GRIN2A: variants seen among roughly 807,000 people sequenced by gnomAD.
GRIN2A encodes glutamate receptor ionotropic, NMDA 2A.
A neutral mutation model predicts 113.4 loss-of-function variants in GRIN2A; 22 were observed. The ratio of observed to expected loss-of-function variants is 0.19; its 90% CI spans 0.14 to 0.28. The LOEUF (loss-of-function observed/expected upper bound fraction) is 0.28. GRIN2A is among the 10% of genes least tolerant of loss of function. The pLI is 1.00. For missense variants in GRIN2A, 1,502 were observed against 1,887.0 expected (o/e 0.80, Z 3.78); for synonymous variants, 827 against 738.4 (o/e 1.12, Z -1.94).
chr16:9,998,271 C>A (rs1276750873), intron 2 of GRIN2A, among the ~76,000 whole-genome samples: 1 of 152,056 alleles, frequency 6.6e-6, no homozygotes, highest in Non-Finnish European at 1.5e-5. Flanking sequence ...ACCTCGAAAA[C>A]GTCATGATAA....
intron 2 of GRIN2A, among the ~76,000 whole-genome samples, chr16:9,944,345 G>T (rs948786773): frequency 6.6e-6 from 1 of 152,100 alleles, no homozygotes; most frequent in Non-Finnish European, 1.5e-5. Context: ...TGAGGATTCA[G>T]ATGGATAGCA....
intron 3 of GRIN2A, among the ~76,000 whole-genome samples, chr16:9,896,757 T>C (rs369881749): frequency 5.9e-5 from 9 of 152,176 alleles, no homozygotes; most frequent in African/African-American, 1.9e-4. Context: ...CAAGTACCTA[T>C]TACCTTCAAT....
At chr16:9,816,898 G>C (rs569961522) in intron 10 of GRIN2A, among the ~76,000 whole-genome samples, 15 of 152,258 alleles carry the variant, frequency 9.9e-5, no homozygotes, top group African/African-American at 3.6e-4. Context: ...CATTAGCCTA[G>C]AAACCTGGGG....
intron 2 of GRIN2A, among the ~76,000 whole-genome samples, chr16:10,049,282 C>T (rs1024344447): frequency 6.6e-6 from 1 of 152,248 alleles, no homozygotes. Flanking sequence ...TCTGTGTTTA[C>T]TCTATCTCAG....
rs546060437 is a variant in GRIN2A at position 9,937,439 on chromosome 16, G to A, written c.1007+520C>T. On this transcript the variant is annotated intron_variant, in intron 3 of 12. Coordinates refer to ENST00000330684, the MANE Select transcript of GRIN2A (RefSeq NM_001134407.3). ...CTCCATGACGTGCTTATTTCACACT[G>A]CACGCCTGTGTCAAAACATCTCATG... 2.3e-3 allele frequency among the ~76,000 whole-genome samples: 349 copies of A among 152,182 alleles called. 1 individual carries two copies. The highest frequency in any genetic ancestry group is 3.9e-3 in the Non-Finnish European group (265 of 67,996).
At chr16:9,848,600 AAT>A (rs1228685624) in intron 5 of GRIN2A, among the ~76,000 whole-genome samples, 3 of 148,956 alleles carry the variant, frequency 2.0e-5, no homozygotes, top group Non-Finnish European at 4.5e-5. Context: ...AATGTATAAA[AAT>A]ATATGATCTT....
intron 2 of GRIN2A, among the ~76,000 whole-genome samples, chr16:10,081,363 G>A: frequency 6.6e-6 from 1 of 152,166 alleles, no homozygotes; most frequent in Admixed American, 6.5e-5. Flanking sequence ...TCTAAGTTCT[G>A]CTCCTTACAT....
At chr16:10,177,616 T>G (rs2050174365) in intron 2 of GRIN2A, among the ~76,000 whole-genome samples, 1 of 152,262 alleles carries the variant, frequency 6.6e-6, no homozygotes, top group African/African-American at 2.4e-5. Flanking sequence ...CTGATTCCTT[T>G]TCTCTTCTTA....
intron 2 of GRIN2A, among the ~76,000 whole-genome samples, chr16:10,056,063 G>A (rs1035187877): frequency 6.6e-6 from 1 of 152,184 alleles, no homozygotes; most frequent in African/African-American, 2.4e-5. Flanking sequence ...TGGACAGCTG[G>A]TAGCAGTCAT....
chr16:10,124,480 T>G (rs200879534), intron 2 of GRIN2A, among the ~76,000 whole-genome samples: 1 of 79,488 alleles, frequency 1.3e-5, no homozygotes, highest in Non-Finnish European at 3.1e-5. Context: ...TGATAACTCT[T>G]TGTTTATCCG....
intron 4 of GRIN2A, among the ~76,000 whole-genome samples, chr16:9,886,893 G>C (rs115628480): frequency 0.011 from 1,614 of 152,174 alleles, 17 homozygotes; most frequent in African/African-American, 0.037. Context: ...TTAAGGTTTT[G>C]TTGTTTTGTT....
chr16:9,827,551 G>A (rs2042408957), intron 9 of GRIN2A, among the ~76,000 whole-genome samples: 1 of 152,212 alleles, frequency 6.6e-6, no homozygotes, highest in Non-Finnish European at 1.5e-5. Flanking sequence ...CAAGGGAGCA[G>A]CTTAGCCTTT....
chr16:10,020,403 A>C (rs2046697599), intron 2 of GRIN2A, among the ~76,000 whole-genome samples: 2 of 152,356 alleles, frequency 1.3e-5, no homozygotes, highest in South Asian at 4.1e-4. Context: ...TTATTTTTCC[A>C]AGATGTTCAG....
intron 2 of GRIN2A, among the ~76,000 whole-genome samples, chr16:9,950,055 T>C (rs2045141012): frequency 6.6e-6 from 1 of 152,130 alleles, no homozygotes; most frequent in African/African-American, 2.4e-5. Context: ...TGGGCTGGCA[T>C]TCTTCACTGT....
intron 11 of GRIN2A, among the ~76,000 whole-genome samples, chr16:9,789,890 G>C (rs1902498104): frequency 6.6e-6 from 1 of 152,212 alleles, no homozygotes; most frequent in Non-Finnish European, 1.5e-5. Flanking sequence ...GTTTGGAAGA[G>C]GTTTGCATGG....
intron 2 of GRIN2A, among the ~76,000 whole-genome samples, chr16:10,030,388 T>C (rs989331071): frequency 1.3e-5 from 2 of 152,174 alleles, no homozygotes; most frequent in African/African-American, 4.8e-5. Context: ...ACTGCCTCCT[T>C]GGAAGACACC....
At chr16:9,794,153 G>C (rs1306335098) in intron 11 of GRIN2A, among the ~76,000 whole-genome samples, 1 of 152,210 alleles carries the variant, frequency 6.6e-6, no homozygotes, top group Non-Finnish European at 1.5e-5. Context: ...GATGGAAAAG[G>C]AAGGCAACAT....
chr16:9,937,324 T>A (rs1005144458), intron 3 of GRIN2A, among the ~76,000 whole-genome samples: 2 of 152,134 alleles, frequency 1.3e-5, no homozygotes, highest in Non-Finnish European at 2.9e-5. Context: ...CTATAGTCAA[T>A]AATAAATGAC....
intron 7 of GRIN2A, among the ~76,000 whole-genome samples, chr16:9,835,967 A>T (rs2042577871): frequency 6.6e-6 from 1 of 152,256 alleles, no homozygotes; most frequent in East Asian, 1.9e-4. Flanking sequence ...ATGCGCTCCA[A>T]GAAATCAATG....
Sources: gnomAD v4.1 joint callset for allele counts (sites outside exome capture counted in the v4.1 genomes callset) on GRCh38, gnomAD v4.1.1 for gene constraint, MANE v1.5 for transcripts, NCBI Gene and HGNC (gene_info 2026-07-23, HGNC 2026-07-21) for gene names.